The following UBR3 variants were observed in gnomAD, a reference collection of about 807,000 sequenced individuals.
UBR3 encodes the protein ubiquitin protein ligase E3 component n-recognin 3.
UBR3 carries 85 observed loss-of-function variants against 243.2 expected under a neutral mutation model. That is an observed-to-expected ratio of 0.35 (90% CI 0.29 to 0.42). The LOEUF (loss-of-function observed/expected upper bound fraction) is 0.42. UBR3 is among the 10% of genes least tolerant of loss of function. The pLI is 1.00. For synonymous variants in UBR3, 748 were observed against 799.8 expected, an observed-to-expected ratio of 0.94 and a Z score of 1.09; for missense variants, 1,686 against 2,300.8, an observed-to-expected ratio of 0.73 and a Z score of 5.47.
chr2:169,931,903 ACTTAAAATCAT>A (rs1370300767), intron 18 of UBR3, among the ~76,000 whole-genome samples: 1 of 152,152 alleles, frequency 6.6e-6, no homozygotes, highest in Non-Finnish European at 1.5e-5. Context: ...TATACTTAAT[ACTTAAAATCAT>A]CTTGTGAACC....
intron 1 of UBR3, among the ~76,000 whole-genome samples, chr2:169,831,125 A>AT (rs2081922275): frequency 1.6e-4 from 9 of 55,280 alleles, no homozygotes; most frequent in East Asian, 1.7e-3. Flanking sequence ...ATATATATAT[A>AT]TATTTTTTTT....
intron 7 of UBR3, among the ~76,000 whole-genome samples, chr2:169,896,149 G>A (rs1011332398): frequency 1.3e-5 from 2 of 152,158 alleles, no homozygotes; most frequent in African/African-American, 2.4e-5. Flanking sequence ...TTAGTTGGGC[G>A]TGATGGCGTG....
chr2:169,844,355 T>G (rs954188516), intron 1 of UBR3, among the ~76,000 whole-genome samples: 2 of 152,216 alleles, frequency 1.3e-5, no homozygotes, highest in Admixed American at 1.3e-4. Flanking sequence ...TTTTTCTTTA[T>G]GTGAGCTTTG....
chr2:170,081,852 C>T lies in UBR3; in HGVS notation c.*9C>T. The T allele has an allele frequency of 6.6e-7, 1 of 1,520,930 alleles. No homozygotes were observed. Among genetic ancestry groups the T allele is most frequent in the Non-Finnish European group, 8.9e-7 (1 of 1,118,034 alleles). 94.2% of individuals were successfully genotyped at this position (1,520,930 alleles called of 1,614,324 possible). On this transcript the variant is annotated 3_prime_UTR_variant, in exon 39 of 39. Transcript: ENST00000272793. ...ATTACAATGGGCTGTGACTCTCCAC[C>T]TCAGCATTGCATCGTATCATCATTT...
chr2:169,855,331 TATTTTTTA>T (rs1169171026), intron 1 of UBR3, among the ~76,000 whole-genome samples: 9 of 152,212 alleles, frequency 5.9e-5, no homozygotes, highest in Admixed American at 3.9e-4. Flanking sequence ...CATTACTTTT[TATTTTTTA>T]ATTTTTTAAT....
intron 5 of UBR3, among the ~76,000 whole-genome samples, chr2:169,890,488 C>G (rs1159205639): frequency 7.0e-6 from 1 of 142,720 alleles, no homozygotes; most frequent in Non-Finnish European, 1.5e-5. Flanking sequence ...TTTTTTTTCC[C>G]CATAAGCCTT....
chr2:169,857,695 G>A (rs893783505), intron 1 of UBR3, among the ~76,000 whole-genome samples: 3 of 151,632 alleles, frequency 2.0e-5, no homozygotes, highest in African/African-American at 7.3e-5. Context: ...CCAAAGCGCT[G>A]GGATTACAGG....
At chr2:169,990,426 T>A (rs577464031) in intron 25 of UBR3, among the ~76,000 whole-genome samples, 1 of 152,030 alleles carries the variant, frequency 6.6e-6, no homozygotes, top group African/African-American at 2.4e-5. Context: ...ATTCAGAAAG[T>A]CCAAAGTTGC....
chr2:169,883,890 G>A (rs906356885), intron 5 of UBR3, among the ~76,000 whole-genome samples: 8 of 152,184 alleles, frequency 5.3e-5, no homozygotes, highest in Non-Finnish European at 8.8e-5. Context: ...CTGGAGTGTA[G>A]TGGTGTGATC....
chr2:170,074,009 A>G (rs930301843), intron 36 of UBR3, among the ~76,000 whole-genome samples: 6 of 152,208 alleles, frequency 3.9e-5, no homozygotes, highest in Admixed American at 2.6e-4. Flanking sequence ...TCTTGGGCCT[A>G]TGCTACCAGC....
intron 5 of UBR3, among the ~76,000 whole-genome samples, chr2:169,881,948 A>T (rs1258964417): frequency 8.2e-6 from 1 of 121,372 alleles, no homozygotes; most frequent in Non-Finnish European, 1.7e-5. Context: ...ATAATTACAT[A>T]TGTATGTATA....
At chr2:169,859,259 G>A (rs560520253) in intron 1 of UBR3, among the ~76,000 whole-genome samples, 15 of 151,906 alleles carry the variant, frequency 9.9e-5, no homozygotes, top group Non-Finnish European at 1.9e-4. Flanking sequence ...ATTTGGTAGA[G>A]ATGGGGTTTC....
At chr2:169,989,596 T>C (rs773255605) in intron 25 of UBR3, among the ~76,000 whole-genome samples, 1 of 152,206 alleles carries the variant, frequency 6.6e-6, no homozygotes, top group Non-Finnish European at 1.5e-5. Context: ...AGCTGACATA[T>C]ACTTCTATAA....
chr2:169,862,249 A>G (rs2083118191), intron 1 of UBR3, among the ~76,000 whole-genome samples: 1 of 152,138 alleles, frequency 6.6e-6, no homozygotes. Flanking sequence ...CCCACTAAAT[A>G]GTACTTAAAC....
At chr2:169,926,129 G>T (rs887979979) in intron 14 of UBR3, among the ~76,000 whole-genome samples, 1 of 152,178 alleles carries the variant, frequency 6.6e-6, no homozygotes, top group East Asian at 1.9e-4. Context: ...GGAAATACTG[G>T]GTTGATGTGT....
intron 5 of UBR3, among the ~76,000 whole-genome samples, chr2:169,884,945 G>T (rs890784407): frequency 6.6e-6 from 1 of 152,200 alleles, no homozygotes; most frequent in East Asian, 1.9e-4. Context: ...GAAAGAGGTT[G>T]ATAGAGGAAG....
At chr2:170,000,126 C>CA (rs201415377) in intron 26 of UBR3, among the ~76,000 whole-genome samples, 29,946 of 123,476 alleles carry the variant, frequency 0.24, 3,370 homozygotes, top group East Asian at 0.41. Context: ...AACTTAATCT[C>CA]AAAAAAAAAA....
intron 35 of UBR3, among the ~76,000 whole-genome samples, chr2:170,067,376 A>G (rs955708061): frequency 6.6e-6 from 1 of 152,192 alleles, no homozygotes; most frequent in Non-Finnish European, 1.5e-5. Context: ...TATATAAACA[A>G]ATGACAGAAT....
chr2:169,835,185 A>G (rs2082045356), intron 1 of UBR3, among the ~76,000 whole-genome samples: 3 of 152,160 alleles, frequency 2.0e-5, no homozygotes, highest in African/African-American at 2.4e-5. Flanking sequence ...TATGTTATTT[A>G]TATTTTACCA....
Sources: gnomAD v4.1 joint callset for allele counts (sites outside exome capture counted in the v4.1 genomes callset) on GRCh38, gnomAD v4.1.1 for gene constraint, MANE v1.5 for transcripts, NCBI Gene and HGNC (gene_info 2026-07-23, HGNC 2026-07-21) for gene names.